STMND1: variants seen among roughly 807,000 people sequenced by gnomAD.
STMND1 encodes stathmin domain containing 1.
STMND1 carries 17 observed loss-of-function variants against 23.0 expected under a neutral mutation model. The ratio of observed to expected loss-of-function variants is 0.74; its 90% CI spans 0.51 to 1.11. STMND1 has a LOEUF of 1.11. Ranked by LOEUF, STMND1 falls within the 50% of genes least tolerant of loss-of-function variation. The pLI, the probability that STMND1 is intolerant of heterozygous loss-of-function variation, is 0.00. For missense variants in STMND1, 305 were observed against 329.1 expected, an observed-to-expected ratio of 0.93 and a Z score of 0.57; for synonymous variants, 114 against 119.9, an observed-to-expected ratio of 0.95 and a Z score of 0.32.
intron 3 of STMND1, among the ~76,000 whole-genome samples, 198 bp downstream of exon 3, chr6:17,120,956 A>C (rs1290858701): frequency 6.6e-6 from 1 of 152,172 alleles, no homozygotes; most frequent in Non-Finnish European, 1.5e-5. Context: ...TCCCACCCAA[A>C]TCTCACCTTG....
chr6:17,110,970 G>T (rs760129751), intron 1 of STMND1: 1 of 443,968 alleles, frequency 2.3e-6, no homozygotes, highest in Non-Finnish European at 4.5e-6. Flanking sequence ...AGCACCTGGA[G>T]AGAGAAGACA....
chr6:17,120,486 A>T, intron 2 of STMND1, 121 bp from the exon 3 acceptor site: 1 of 660,464 alleles, frequency 1.5e-6, no homozygotes, highest in Non-Finnish European at 2.4e-6. Flanking sequence ...GAAATATATT[A>T]AGTGTTGAAA....
At position 17,129,236 on chromosome 6, in the gene STMND1, G is replaced by A. The variant is rs61731428; in HGVS notation, c.536G>A (p.Arg179His). The change falls in exon 4 of 5, where the codon CGC becomes CAC. Residue 179 changes from arginine to histidine, a missense_variant. Arg to His is a conservative substitution (Grantham distance 29, BLOSUM62 0). Transcript: ENST00000536551. ...IEEKMEAAEE[R>H]RKTKEEEIRK... Reference sequence around the variant, plus strand: ...GAGAAGATGGAGGCTGCCGAGGAGCGCAGGAAGGTAGTGAGCTCTCAGATG... The same window carrying A: ...GAGAAGATGGAGGCTGCCGAGGAGCACAGGAAGGTAGTGAGCTCTCAGATG... The A allele has an allele frequency of 1.1e-3, 1,672 of 1,535,790 alleles. 16 individuals carry two copies. In the African/African-American group the frequency reaches 0.02, roughly 18 times the overall value.
At chr6:17,109,153 G>A (rs1204144944) in intron 1 of STMND1, among the ~76,000 whole-genome samples, 2 of 152,190 alleles carry the variant, frequency 1.3e-5, no homozygotes, top group East Asian at 1.9e-4. Flanking sequence ...AAAGCACATC[G>A]TTGCTTTTAG....
intron 1 of STMND1, among the ~76,000 whole-genome samples, chr6:17,102,793 C>CAG (rs908707465): frequency 2.0e-5 from 3 of 152,114 alleles, no homozygotes; most frequent in African/African-American, 7.2e-5. Context: ...TTTCTTAAAG[C>CAG]TGGGAGAGAT....
intron 3 of STMND1, among the ~76,000 whole-genome samples, chr6:17,123,071 T>C (rs546598315): frequency 2.3e-4 from 35 of 152,176 alleles, no homozygotes; most frequent in Non-Finnish European, 4.6e-4. Flanking sequence ...GATGTCTACA[T>C]ACATACACCA....
chr6:17,107,797 G>A (rs1761046408), intron 1 of STMND1, among the ~76,000 whole-genome samples: 1 of 152,194 alleles, frequency 6.6e-6, no homozygotes, highest in Non-Finnish European at 1.5e-5. Context: ...GTTTGGCCAT[G>A]TTGCCAAGGC....
chr6:17,102,451 C>T (rs1482584969), intron 1 of STMND1, 113 bp downstream of exon 1: 48 of 1,296,578 alleles, frequency 3.7e-5, no homozygotes, highest in Non-Finnish European at 3.2e-6. Flanking sequence ...CAGGGTCGGT[C>T]GAGGCTAGTT....
intron 1 of STMND1, 86 bp downstream of exon 1, chr6:17,102,424 A>G (rs1760955179): frequency 6.7e-7 from 1 of 1,491,590 alleles, no homozygotes. Context: ...CTTGGGGGCG[A>G]CAAGAGTTGG....
chr6:17,112,963 C>T (rs993514217), intron 1 of STMND1, among the ~76,000 whole-genome samples: 18 of 152,130 alleles, frequency 1.2e-4, no homozygotes, highest in Non-Finnish European at 2.6e-4. Context: ...TTATAGTTAT[C>T]CTAGGGTATA....
chr6:17,107,293 CAACA>C (rs1182123614), intron 1 of STMND1, among the ~76,000 whole-genome samples: 1 of 152,078 alleles, frequency 6.6e-6, no homozygotes, highest in Non-Finnish European at 1.5e-5. Flanking sequence ...CAAAAACACA[CAACA>C]AACAAACAAC....
chr6:17,105,849 T>C (rs1259626695), intron 1 of STMND1, among the ~76,000 whole-genome samples: 1 of 151,038 alleles, frequency 6.6e-6, no homozygotes, highest in Non-Finnish European at 1.5e-5. Flanking sequence ...GGCATGAACC[T>C]GGGAGGCGGA....
intron 1 of STMND1, among the ~76,000 whole-genome samples, chr6:17,103,982 A>G (rs1760981603): frequency 6.6e-6 from 1 of 152,124 alleles, no homozygotes; most frequent in Admixed American, 6.5e-5. Context: ...TTCGTGTGCA[A>G]AACCCTTTAG....
chr6:17,119,756 T>C (rs1761205899), intron 2 of STMND1, among the ~76,000 whole-genome samples: 1 of 151,472 alleles, frequency 6.6e-6, no homozygotes. Context: ...TTAAATGGAA[T>C]GGACTTGGTT....
At chr6:17,128,074 G>A (rs996992668) in intron 3 of STMND1, 4 of 152,030 alleles carry the variant, frequency 2.6e-5, no homozygotes, top group Non-Finnish European at 5.9e-5. Flanking sequence ...ATAAGGAGAT[G>A]ATTTATGTAT....
intron 2 of STMND1, among the ~76,000 whole-genome samples, chr6:17,118,020 A>G (rs186582359): frequency 7.9e-4 from 121 of 152,286 alleles, no homozygotes; most frequent in African/African-American, 2.8e-3. Flanking sequence ...CTTTCTTAAT[A>G]CATCAAATTA....
chr6:17,104,156 T>G (rs1048661208), intron 1 of STMND1, among the ~76,000 whole-genome samples: 2 of 152,258 alleles, frequency 1.3e-5, no homozygotes, highest in Admixed American at 1.3e-4. Flanking sequence ...TCCCTCTTCC[T>G]GAGATGCCCT....
intron 1 of STMND1, among the ~76,000 whole-genome samples, chr6:17,110,225 CAG>C (rs796602517): frequency 1.4e-4 from 22 of 152,292 alleles, no homozygotes; most frequent in African/African-American, 5.1e-4. Flanking sequence ...GGCTTTGCTG[CAG>C]AGAGTGGGAG....
chr6:17,121,422 G>A (rs1761232414), intron 3 of STMND1, among the ~76,000 whole-genome samples: 1 of 152,006 alleles, frequency 6.6e-6, no homozygotes, highest in Admixed American at 6.6e-5. Flanking sequence ...AATTTTTCTT[G>A]AGCACTACCT....
Sources: allele counts gnomAD v4.1 joint callset (sites outside exome capture counted in the v4.1 genomes callset), GRCh38; gene constraint gnomAD v4.1.1; transcripts MANE v1.5; gene names NCBI Gene and HGNC (gene_info 2026-07-23, HGNC 2026-07-21).